The following GDI2 variants were observed in gnomAD, a reference collection of about 807,000 sequenced individuals.
GDI2 encodes the protein GDP dissociation inhibitor 2, also known as rab GDP dissociation inhibitor beta.
A neutral mutation model predicts 54.2 loss-of-function variants in GDI2; 22 were observed. The ratio of observed to expected loss-of-function variants is 0.41; its 90% confidence interval spans 0.29 to 0.58. The LOEUF (loss-of-function observed/expected upper bound fraction) is 0.58. Ranked by LOEUF, GDI2 falls within the 20% of genes least tolerant of loss-of-function variation. The probability of loss-of-function intolerance (pLI) is 0.35; values close to 1 mark genes in which losing one functional copy is unlikely to be tolerated. For synonymous variants in GDI2, 177 were observed against 182.1 expected (o/e 0.97, Z 0.23); for missense variants, 422 against 546.0 (o/e 0.77, Z 2.26).
chr10:5,781,825 T>C (rs555115923), intron 6 of GDI2, among the ~76,000 whole-genome samples: 1 of 151,680 alleles, frequency 6.6e-6, no homozygotes, highest in South Asian at 2.1e-4. Flanking sequence ...ACCAGCCTGT[T>C]CAATAACGGC....
chr10:5,794,188 A>AAAAAAATAT (rs1448053813), intron 4 of GDI2, among the ~76,000 whole-genome samples: 1 of 40,340 alleles, frequency 2.5e-5, no homozygotes, highest in African/African-American at 1.0e-4. Context: ...AAAAAAAAAA[A>AAAAAAATAT]ATATATATAT....
At chr10:5,795,092 C>A in intron 3 of GDI2, 73 bp from the exon 4 acceptor site, 1 of 942,710 alleles carries the variant, frequency 1.1e-6, no homozygotes. Flanking sequence ...ATACTAACAG[C>A]TTCTAAAATT....
At chr10:5,780,688 C>T (rs1442893330) in intron 6 of GDI2, among the ~76,000 whole-genome samples, 9 of 152,142 alleles carry the variant, frequency 5.9e-5, no homozygotes, top group Non-Finnish European at 7.4e-5. Context: ...ACATTAACAG[C>T]GGCATCAGTA....
chr10:5,813,281 GACCCGAGC>G lies in GDI2; in HGVS notation c.-31_-24del, dbSNP rs1242189285. ...CATGGCGGGGCAGGCGCGGACGCAG[GACCCGAGC>G]AAGGAAAAGGCGCAGGGGCTCCGTG... On this transcript the variant is annotated 5_prime_UTR_variant, in exon 1 of 11. Coordinates refer to ENST00000380191, the MANE Select transcript of GDI2 (RefSeq NM_001494.4). The G allele has an allele frequency of 6.4e-7, 1 of 1,565,426 alleles. No individual in the cohort carries two copies. The highest frequency in any genetic ancestry group is 8.6e-7 in the Non-Finnish European group (1 of 1,157,018).
At chr10:5,796,404 A>T (rs920393382) in intron 3 of GDI2, among the ~76,000 whole-genome samples, 1 of 152,172 alleles carries the variant, frequency 6.6e-6, no homozygotes, top group African/African-American at 2.4e-5. Context: ...AAAATGTGAA[A>T]ATTTTAAAAC....
chr10:5,788,780 A>T (rs1432941681), intron 4 of GDI2, among the ~76,000 whole-genome samples: 36 of 138,326 alleles, frequency 2.6e-4, no homozygotes, highest in African/African-American at 5.2e-4. Context: ...TTTTTTTTTT[A>T]AAAGGAGTCT....
rs1840291422 is a variant in GDI2 at position 5,765,331 on chromosome 10, T to C, written c.*675A>G. ...AATACTGCATTGCAGCTTGGTCCAC[T>C]GAAGAAGCCACGCCTGAGATACAAA... On this transcript the variant is annotated 3_prime_UTR_variant, in exon 11 of 11. Coordinates refer to ENST00000380191, the MANE Select transcript of GDI2 (RefSeq NM_001494.4). 1 of 152,732 alleles carries C rather than the reference T, an allele frequency of 6.5e-6. No individual in the cohort carries two copies. The highest frequency in any genetic ancestry group is 1.5e-5 in the Non-Finnish European group (1 of 68,088). The allele number at this position is 152,732 out of a possible 1,614,324, so 9.5% of individuals were successfully genotyped here.
At chr10:5,811,457 C>G (rs1001129880) in intron 1 of GDI2, among the ~76,000 whole-genome samples, 1 of 152,148 alleles carries the variant, frequency 6.6e-6, no homozygotes, top group Non-Finnish European at 1.5e-5. Context: ...TTGTGGAAGC[C>G]TGCATGATGG....
chr10:5,786,247 T>C (rs1840874467), intron 4 of GDI2, among the ~76,000 whole-genome samples, 197 bp from the exon 5 acceptor site: 1 of 140,246 alleles, frequency 7.1e-6, no homozygotes, highest in Non-Finnish European at 1.5e-5. Context: ...CTCAGCTCAC[T>C]GCAACCTCTG....
At chr10:5,782,773 A>G (rs1840788627) in intron 6 of GDI2, among the ~76,000 whole-genome samples, 1 of 152,158 alleles carries the variant, frequency 6.6e-6, no homozygotes, top group Non-Finnish European at 1.5e-5. Flanking sequence ...ATCACTACTA[A>G]ATATAAAAAA....
chr10:5,786,471 G>C (rs1208121123), intron 4 of GDI2, among the ~76,000 whole-genome samples: 2 of 152,042 alleles, frequency 1.3e-5, no homozygotes, highest in Non-Finnish European at 2.9e-5. Context: ...CTAAAATGCA[G>C]GATGCAATTT....
rs189899519 is a variant in GDI2 at position 5,768,692 on chromosome 10, G to C, written c.820-308C>G. On this transcript the variant is annotated intron_variant, in intron 7 of 10. Coordinates refer to ENST00000380191, the MANE Select transcript of GDI2 (RefSeq NM_001494.4). The surrounding 1 kb of genome is among the most constrained non-coding windows in gnomAD (Gnocchi z 4.4). ...TAAACCCTCGCATCCACAGTACAGTGATTTTTGACAAAGTTGCAAAGACCA... is the reference window on the plus strand; with the variant it reads ...TAAACCCTCGCATCCACAGTACAGTCATTTTTGACAAAGTTGCAAAGACCA... 2.4e-3 allele frequency: 523 copies of C among 220,550 alleles called. No homozygotes were observed. The highest frequency in any genetic ancestry group is 4.1e-3 in the Non-Finnish European group (462 of 112,630). The allele number at this position is 220,550 out of a possible 1,614,324, so 13.7% of individuals were successfully genotyped here.
intron 4 of GDI2, among the ~76,000 whole-genome samples, chr10:5,787,463 C>T (rs781179765): frequency 3.9e-5 from 6 of 151,920 alleles, no homozygotes; most frequent in Non-Finnish European, 8.8e-5. Flanking sequence ...GCCGAGATTG[C>T]ACCATTGTAC....
intron 1 of GDI2, among the ~76,000 whole-genome samples, chr10:5,805,785 G>A (rs1841366272): frequency 6.6e-6 from 1 of 152,198 alleles, no homozygotes; most frequent in Non-Finnish European, 1.5e-5. Flanking sequence ...TGGAGATCCT[G>A]TTAAACTGTA....
Position 5,776,077 on chromosome 10 carries a change from C to A in GDI2, c.720-2136G>T. The A allele has an allele frequency of 4.9e-6, 1 of 202,568 alleles. No homozygotes were observed. The highest frequency in any genetic ancestry group is 8.9e-5 in the South Asian group (1 of 11,260). The allele number at this position is 202,568 out of a possible 1,614,324, so 12.5% of individuals were successfully genotyped here. A position where few individuals can be genotyped will look rare whatever the true frequency, so the allele number is the denominator to read the frequency against. ...GAGTCTATGAAAATAATGGATCCCTCAACCTGGCTCATCAACAGAGCAGAT... is the reference window on the plus strand; with the variant it reads ...GAGTCTATGAAAATAATGGATCCCTAAACCTGGCTCATCAACAGAGCAGAT... On this transcript the variant is annotated intron_variant, in intron 6 of 10. Transcript: ENST00000380191. The surrounding 1 kb of genome is among the most constrained non-coding windows in gnomAD (Gnocchi z 5.3).
chr10:5,807,021 C>A lies in GDI2; in HGVS notation c.45+6193G>T, dbSNP rs144102266. Among the ~76,000 whole-genome samples the A allele has an allele frequency of 5.6e-3, 851 of 152,292 alleles. 3 individuals carry two copies. The highest frequency in any genetic ancestry group is 0.01 in the Middle Eastern group (3 of 294). ...AGTCCAAAGAGCTGACAGCAACTAC[C>A]TTCAAAGGCACCACTTGGAGCAAAT... On this transcript the variant is annotated intron_variant, in intron 1 of 10. Transcript: ENST00000380191.
At chr10:5,810,120 T>C (rs574834668) in intron 1 of GDI2, among the ~76,000 whole-genome samples, 1 of 152,314 alleles carries the variant, frequency 6.6e-6, no homozygotes, top group South Asian at 2.1e-4. Context: ...TAAAATCAAG[T>C]ATAAAACCTT....
chr10:5,769,871 A>C (rs1301404518), intron 7 of GDI2, among the ~76,000 whole-genome samples: 1 of 152,238 alleles, frequency 6.6e-6, no homozygotes, highest in Non-Finnish European at 1.5e-5. Flanking sequence ...TAGCAATTCC[A>C]CTTCTGGGTA....
chr10:5,795,111 C>T (rs904642508), intron 3 of GDI2, 92 bp from the exon 4 acceptor site: 20 of 790,584 alleles, frequency 2.5e-5, no homozygotes, highest in African/African-American at 1.6e-4. Flanking sequence ...TTTTTTCTAA[C>T]GATGTTCAAT....
Sources: gnomAD v4.1 joint callset for allele counts (sites outside exome capture counted in the v4.1 genomes callset) on GRCh38, gnomAD v4.1.1 for gene constraint, Gnocchi (gnomAD v3.1) non-coding constraint, MANE v1.5 for transcripts, NCBI Gene and HGNC (gene_info 2026-07-23, HGNC 2026-07-21) for gene names.